Variants in EML6 observed in about 807,000 individuals in gnomAD.
EML6 encodes EMAP like 6.
A neutral mutation model predicts 240.1 loss-of-function variants in EML6; 154 were observed. The observed-to-expected ratio is 0.64, with a 90% CI of 0.56 to 0.73. EML6 has a LOEUF of 0.73. EML6 is among the 30% of genes least tolerant of loss of function. The probability of loss-of-function intolerance (pLI) is 0.00; values close to 1 mark genes in which losing one functional copy is unlikely to be tolerated. For synonymous variants in EML6, 1,148 were observed against 899.0 expected (o/e 1.28, Z -4.95); for missense variants, 2,964 against 2,474.6 (o/e 1.20, Z -4.20).
intron 18 of EML6, 114 bp from the exon 19 acceptor site, chr2:54,892,340 C>A (rs918244225): frequency 7.5e-6 from 5 of 663,636 alleles, no homozygotes; most frequent in South Asian, 1.9e-5. Context: ...TTTTAGACAT[C>A]TTTACATAAA....
intron 2 of EML6, among the ~76,000 whole-genome samples, chr2:54,794,411 T>C (rs947944177): frequency 1.3e-5 from 2 of 152,232 alleles, no homozygotes; most frequent in Non-Finnish European, 2.9e-5. Flanking sequence ...GACCCCTTGC[T>C]GACCATGTGA....
intron 2 of EML6, among the ~76,000 whole-genome samples, chr2:54,810,559 A>T (rs1667783697): frequency 6.6e-6 from 1 of 152,240 alleles, no homozygotes; most frequent in Non-Finnish European, 1.5e-5. Context: ...CTGTGATCAC[A>T]GCAAAATAGT....
At chr2:54,894,402 T>C (rs1201618450) in intron 19 of EML6, among the ~76,000 whole-genome samples, 1 of 152,230 alleles carries the variant, frequency 6.6e-6, no homozygotes, top group East Asian at 1.9e-4. Context: ...ATTGTGTCTA[T>C]TGAATGAAAT....
At position 54,847,617 on chromosome 2, in the gene EML6, G is replaced by C. The variant is rs1345852890; in HGVS notation, c.1181G>C (p.Arg394Pro). 6.4e-7 allele frequency: 1 copy of C among 1,552,282 alleles called. No homozygotes were observed. Among genetic ancestry groups the C allele is most frequent in the East Asian group, 2.4e-5 (1 of 40,926 alleles). Reference protein sequence around the residue: ...GMKDGSFIVLRVRDMTEVVHI... With the variant: ...GMKDGSFIVLPVRDMTEVVHI... ...AAGGACGGCTCTTTCATTGTTCTCC[G>C]AGTCAGGCACGTACTGATGTTGAAA... The change falls in exon 9 of 42, where the codon CGA becomes CCA. Residue 394 changes from arginine (R) to proline (P), a missense_variant. By Grantham distance (103) the Arg-to-Pro change is moderately radical. Transcript: ENST00000356458.
At chr2:54,855,380 T>C (rs975560308) in intron 11 of EML6, among the ~76,000 whole-genome samples, 2 of 152,102 alleles carry the variant, frequency 1.3e-5, no homozygotes, top group Non-Finnish European at 2.9e-5. Flanking sequence ...ATTTGTTCAC[T>C]TTTAGGACAG....
intron 2 of EML6, among the ~76,000 whole-genome samples, chr2:54,794,767 G>T (rs1288659830): frequency 6.6e-6 from 1 of 152,158 alleles, no homozygotes; most frequent in Non-Finnish European, 1.5e-5. Context: ...TACAAAAATT[G>T]TACGACATTA....
At chr2:54,893,968 C>CT (rs1256423580) in intron 19 of EML6, among the ~76,000 whole-genome samples, 1 of 151,996 alleles carries the variant, frequency 6.6e-6, no homozygotes, top group Non-Finnish European at 1.5e-5. Flanking sequence ...TGTTTAAGCT[C>CT]TTGTTGTTTG....
intron 28 of EML6, among the ~76,000 whole-genome samples, chr2:54,947,578 A>C (rs1468434232): frequency 6.6e-6 from 1 of 152,080 alleles, no homozygotes; most frequent in African/African-American, 2.4e-5. Context: ...CTAAATTATG[A>C]GTTGAACTTG....
Position 54,960,267 on chromosome 2 carries a change from G to A in EML6, c.4901G>A (p.Arg1634His), listed in dbSNP as rs1183166949. Residue 1634 changes from arginine to histidine, a missense_variant, in exon 35 of 42, where the codon CGC becomes CAC. Coordinates refer to ENST00000356458, the MANE Select transcript of EML6 (RefSeq NM_001039753.4). ...AAATTGTGGGACCAGGAGATGAAGC[G>A]CTGCCGGGCCTTTCAGCTGGAGACC... is the stretch of plus-strand genomic sequence containing the variant. ...AVKLWDQEMK[R>H]CRAFQLETGQ... 13 of 1,551,434 alleles carry A rather than the reference G, an allele frequency of 8.4e-6. No individual in the cohort carries two copies. The Admixed American group carries it at 1.6e-4, about 19-fold the overall frequency.
intron 2 of EML6, among the ~76,000 whole-genome samples, chr2:54,751,584 C>G (rs1277027309): frequency 6.6e-6 from 1 of 152,162 alleles, no homozygotes; most frequent in Non-Finnish European, 1.5e-5. Context: ...AATACCCCGT[C>G]CCCTCAACCT....
intron 2 of EML6, among the ~76,000 whole-genome samples, chr2:54,776,762 A>T (rs774581585): frequency 3.1e-4 from 47 of 151,104 alleles, no homozygotes; most frequent in Non-Finnish European, 6.5e-4. Context: ...TTTCTAACTC[A>T]ACCTTGGATA....
intron 2 of EML6, among the ~76,000 whole-genome samples, chr2:54,803,364 A>T (rs1670282979): frequency 6.6e-6 from 1 of 152,186 alleles, no homozygotes; most frequent in South Asian, 2.1e-4. Context: ...CAGCTAGAGG[A>T]GTCAATGCAA....
At chr2:54,802,383 T>G (rs987506320) in intron 2 of EML6, among the ~76,000 whole-genome samples, 31 of 152,164 alleles carry the variant, frequency 2.0e-4, no homozygotes, top group Non-Finnish European at 8.8e-5. Context: ...CCCAGCACTT[T>G]GGGAGGCTGA....
intron 2 of EML6, among the ~76,000 whole-genome samples, chr2:54,793,269 T>A (rs1249817241): frequency 6.6e-6 from 1 of 151,426 alleles, no homozygotes; most frequent in African/African-American, 2.4e-5. Flanking sequence ...TGTCACAAAA[T>A]AAAATTTTTG....
In EML6 at chr2:54,895,303, G is replaced by A. The variant is rs752099113; in HGVS notation, c.2885G>A (p.Arg962His). 4.6e-5 allele frequency: 72 copies of A among 1,551,566 alleles called. No individual in the cohort carries two copies. The highest frequency in any genetic ancestry group is 5.6e-5 in the Non-Finnish European group (64 of 1,146,908). ...CTTTTGGAAGATAACCCTTCAATTC[G>A]TGCCATCACTTTGGGACATGGACAT... is the stretch of plus-strand genomic sequence containing the variant. ...GLLLEDNPSI[R>H]AITLGHGHIL... The change falls in exon 21 of 42, where the codon CGT (arginine) becomes CAT (histidine). Residue 962 changes from arginine to histidine, a missense_variant. Coordinates refer to ENST00000356458, the MANE Select transcript of EML6 (RefSeq NM_001039753.4).
At chr2:54,776,665 A>G (rs1668616518) in intron 2 of EML6, among the ~76,000 whole-genome samples, 1 of 152,196 alleles carries the variant, frequency 6.6e-6, no homozygotes, top group South Asian at 2.1e-4. Flanking sequence ...CATGCAGGAA[A>G]TGAACATGCA....
chr2:54,799,436 C>G (rs1227801392), intron 2 of EML6, among the ~76,000 whole-genome samples: 1 of 151,934 alleles, frequency 6.6e-6, no homozygotes, highest in Non-Finnish European at 1.5e-5. Flanking sequence ...ACCTCTGACT[C>G]CCTGATTCAA....
intron 27 of EML6, 41 bp downstream of exon 27, chr2:54,928,555 A>G: frequency 1.3e-6 from 2 of 1,548,698 alleles, no homozygotes; most frequent in Non-Finnish European, 1.7e-6. Flanking sequence ...CGCCGAATGC[A>G]CCTCCCAACA....
chr2:54,866,817 C>A lies in EML6; in HGVS notation c.1984C>A (p.His662Asn). The change falls in exon 14 of 42, where the codon CAC (histidine) becomes AAC (asparagine). Residue 662 changes from histidine (H) to asparagine (N), a missense_variant. By Grantham distance (68) the His-to-Asn change is moderately conservative. Coordinates refer to ENST00000356458, the MANE Select transcript of EML6 (RefSeq NM_001039753.4). ...AAAGCAACAAAGTAAAGAGAAAAAC[C>A]ACGCAGTGCCCTTCCTCAAACGAGA... ...QLKQQSKEKNHAVPFLKREKA... is the reference protein window; with the variant it reads ...QLKQQSKEKNNAVPFLKREKA... 1 of 1,551,080 alleles carries A rather than the reference C, an allele frequency of 6.4e-7. No individual in the cohort carries two copies. Among genetic ancestry groups the A allele is most frequent in the Non-Finnish European group, 8.7e-7 (1 of 1,146,564 alleles).
Sources: gnomAD v4.1 joint callset for allele counts (sites outside exome capture counted in the v4.1 genomes callset) on GRCh38, gnomAD v4.1.1 for gene constraint, MANE v1.5 for transcripts, NCBI Gene and HGNC (gene_info 2026-07-23, HGNC 2026-07-21) for gene names.